Variants in MICU3 observed in about 807,000 individuals in gnomAD.
MICU3 encodes the protein calcium uptake protein 3, mitochondrial.
A neutral mutation model predicts 66.5 loss-of-function variants in MICU3; 62 were observed. The ratio of observed to expected loss-of-function variants is 0.93; its 90% CI spans 0.76 to 1.15. The LOEUF is 1.15. MICU3 is among the 50% of genes most tolerant of loss of function. MICU3 has a pLI of 0.00. For synonymous variants in MICU3, 308 were observed against 240.7 expected (o/e 1.28, Z -2.59); for missense variants, 779 against 664.4 (o/e 1.17, Z -1.90).
intron 1 of MICU3, among the ~76,000 whole-genome samples, chr8:17,048,394 C>T (rs533873210): frequency 1.3e-5 from 2 of 152,252 alleles, no homozygotes; most frequent in East Asian, 3.9e-4. Flanking sequence ...TCACATCTTA[C>T]ATGGAGGCAG....
intron 5 of MICU3, among the ~76,000 whole-genome samples, chr8:17,084,910 A>G (rs1004231239): frequency 6.6e-6 from 1 of 152,070 alleles, no homozygotes; most frequent in Non-Finnish European, 1.5e-5. Flanking sequence ...GTAGCTGAAC[A>G]TATTGAATAT....
intron 8 of MICU3, among the ~76,000 whole-genome samples, chr8:17,093,582 A>T (rs1437997066): frequency 6.6e-6 from 1 of 152,006 alleles, no homozygotes; most frequent in Non-Finnish European, 1.5e-5. Flanking sequence ...GTTAAATTAC[A>T]CATTACAATA....
At chr8:17,134,861 C>G in the MICU3 span, among the ~76,000 whole-genome samples, 184 of 152,280 alleles carry the variant, frequency 1.2e-3, 1 homozygote, top group African/African-American at 4.1e-3. Flanking sequence ...CCAAAAACAC[C>G]CTCACAGACA....
intron 7 of MICU3, among the ~76,000 whole-genome samples, chr8:17,088,341 T>G (rs772211182): frequency 6.6e-6 from 1 of 151,982 alleles, no homozygotes; most frequent in Non-Finnish European, 1.5e-5. Flanking sequence ...GATTTTCAAA[T>G]TGTAATTAAT....
chr8:17,084,496 G>C (rs899932907), intron 5 of MICU3, among the ~76,000 whole-genome samples: 2 of 151,918 alleles, frequency 1.3e-5, no homozygotes, highest in Non-Finnish European at 2.9e-5. Context: ...CCCTCCCCCC[G>C]GTCATCTCAA....
intron 1 of MICU3, among the ~76,000 whole-genome samples, chr8:17,051,749 G>A (rs1315253199): frequency 6.6e-6 from 1 of 152,186 alleles, no homozygotes; most frequent in African/African-American, 2.4e-5. Flanking sequence ...TTGACAAGCA[G>A]TTTTGGTGGC....
the MICU3 span, among the ~76,000 whole-genome samples, chr8:17,134,545 T>C: frequency 6.6e-5 from 10 of 152,214 alleles, no homozygotes; most frequent in Admixed American, 2.6e-4. Context: ...CCCAGGTTCA[T>C]ACCATTCTCC....
intron 1 of MICU3, among the ~76,000 whole-genome samples, chr8:17,034,729 G>A: frequency 6.6e-6 from 1 of 152,226 alleles, no homozygotes; most frequent in Non-Finnish European, 1.5e-5. Context: ...CTAAAGATAT[G>A]ACTGAATTGC....
At chr8:17,105,732 T>A in intron 11 of MICU3, 148 bp downstream of exon 11, 1 of 434,250 alleles carries the variant, frequency 2.3e-6, no homozygotes, top group Non-Finnish European at 4.1e-6. Flanking sequence ...ATGCTCTGGC[T>A]ACACTTTTAA....
At chr8:17,036,713 T>C (rs1443803897) in intron 1 of MICU3, among the ~76,000 whole-genome samples, 1 of 152,138 alleles carries the variant, frequency 6.6e-6, no homozygotes, top group Non-Finnish European at 1.5e-5. Context: ...ATATAAAGAC[T>C]CTCCACGTCC....
chr8:17,042,835 A>G (rs1229608709), intron 1 of MICU3, among the ~76,000 whole-genome samples: 1 of 151,840 alleles, frequency 6.6e-6, no homozygotes, highest in East Asian at 1.9e-4. Flanking sequence ...TATCCAGTTG[A>G]CACTGTAAGT....
At chr8:17,132,086 C>T in the MICU3 span, 1 of 152,034 alleles carries the variant, frequency 6.6e-6, no homozygotes, top group Non-Finnish European at 1.5e-5. Flanking sequence ...TATTAATTGC[C>T]CTTTAGAATC....
At chr8:17,113,894 C>G (rs926090685) in intron 11 of MICU3, among the ~76,000 whole-genome samples, 199 bp from the exon 12 acceptor site, 1 of 152,066 alleles carries the variant, frequency 6.6e-6, no homozygotes, top group Non-Finnish European at 1.5e-5. Context: ...ATTCTAATAG[C>G]AGGCAGCACT....
rs1801561494 is a variant in MICU3 at position 17,104,513 on chromosome 8, T to G, written c.1085+22T>G. 3 of 1,187,604 alleles carry G rather than the reference T, an allele frequency of 2.5e-6. No homozygotes were observed. The East Asian group carries it at 7.7e-5, about 30-fold the overall frequency. The allele number at this position is 1,187,604 out of a possible 1,614,324, so 73.6% of individuals were successfully genotyped here. On this transcript the variant is annotated intron_variant, in intron 10 of 14. Transcript: ENST00000318063. The stretch of plus-strand genomic sequence containing the variant: ...ATAGGTGAGCTTATTTTTATATTTT[T>G]ATTAAAAATTATTAGCCTACTGAAA...
At chr8:17,098,975 G>C (rs535917018) in intron 9 of MICU3, among the ~76,000 whole-genome samples, 104 of 151,668 alleles carry the variant, frequency 6.9e-4, no homozygotes, top group Admixed American at 1.6e-3. Flanking sequence ...AGTTTGAGAA[G>C]GTATGGTAGG....
At chr8:17,048,313 G>A (rs919343717) in intron 1 of MICU3, among the ~76,000 whole-genome samples, 8 of 103,200 alleles carry the variant, frequency 7.8e-5, no homozygotes, top group African/African-American at 2.9e-4. Context: ...AAATTAATAA[G>A]AAAAAGAAAA....
At position 17,032,963 on chromosome 8, in the gene MICU3, C is replaced by T. The variant is rs183648556; in HGVS notation, c.381+5303C>T. On this transcript the variant is annotated intron_variant, in intron 1 of 14. Transcript: ENST00000318063. ...TGTAATTGTACCATGCACCATGAAC[C>T]GCACCCATATAAGACAGCAAAGAAT... Among the ~76,000 whole-genome samples the T allele has an allele frequency of 7.2e-5, 11 of 152,204 alleles. No individual in the cohort carries two copies. In the East Asian group the frequency reaches 1.4e-3, roughly 19 times the overall value.
chr8:17,060,333 G>T (rs1817630439), intron 1 of MICU3, among the ~76,000 whole-genome samples: 1 of 150,876 alleles, frequency 6.6e-6, no homozygotes, highest in Non-Finnish European at 1.5e-5. Context: ...GTCTCGTGCT[G>T]TCGATTAGGC....
chr8:17,124,202 A>G (rs539203075), downstream of MICU3, among the ~76,000 whole-genome samples: 28 of 152,224 alleles, frequency 1.8e-4, no homozygotes, highest in Admixed American at 1.6e-3. Flanking sequence ...CTATCCTTTC[A>G]GTATACAGTA....
Sources: gnomAD v4.1 joint callset for allele counts (sites outside exome capture counted in the v4.1 genomes callset) on GRCh38, gnomAD v4.1.1 for gene constraint, MANE v1.5 for transcripts, NCBI Gene and HGNC (gene_info 2026-07-23, HGNC 2026-07-21) for gene names.